MYO10: variants seen among roughly 807,000 people sequenced by gnomAD.
MYO10 encodes the protein myosin X.
Under a neutral mutation model 257.3 loss-of-function variants are expected in MYO10, and 133 were observed. That is an observed-to-expected ratio of 0.52 (90% CI 0.45 to 0.60). The LOEUF (loss-of-function observed/expected upper bound fraction) is 0.60, where lower values mean the gene tolerates loss of function less well. MYO10 is among the 20% of genes least tolerant of loss of function. The pLI is 0.00. For missense variants in MYO10, 2,399 were observed against 2,635.7 expected, an observed-to-expected ratio of 0.91 and a Z score of 1.97; for synonymous variants, 1,104 against 1,028.6, an observed-to-expected ratio of 1.07 and a Z score of -1.40.
Position 16,879,959 on chromosome 5 carries a change from C to G in MYO10, c.22-2252G>C, listed in dbSNP as rs534816507. Among the ~76,000 whole-genome samples, 7 of 152,284 alleles carry G rather than the reference C, an allele frequency of 4.6e-5. No individual in the cohort carries two copies. The East Asian group carries it at 1.4e-3, about 29-fold the overall frequency. ...TTCGAAGGCCGAGATGGGTAGATCA[C>G]TTGAGGTCAGGAGTTTGAGACCAGC... On this transcript the variant is annotated intron_variant, in intron 1 of 40. Transcript: ENST00000513610.
At chr5:16,750,503 G>C (rs1283568250) in intron 19 of MYO10, among the ~76,000 whole-genome samples, 6 of 152,128 alleles carry the variant, frequency 3.9e-5, no homozygotes, top group Admixed American at 2.0e-4. Context: ...CACTTGGCAA[G>C]GAGGAGAGGC....
Position 16,763,527 on chromosome 5 carries a change from T to A in MYO10, c.1448A>T (p.Asp483Val), listed in dbSNP as rs748843212. Residue 483 changes from aspartate to valine, a missense_variant, in exon 14 of 41, where the codon GAT becomes GTT. Coordinates refer to ENST00000513610, the MANE Select transcript of MYO10 (RefSeq NM_012334.3). Reference protein sequence around the residue: ...EYSREGLVWEDIDWIDNGECL... With the variant: ...EYSREGLVWEVIDWIDNGECL... ...TTCTCCATTGTCTATCCAGTCAATA[T>A]CTTCCCACACTAATCCTTCCCTGTA... is the stretch of plus-strand genomic sequence containing the variant. 2 of 1,612,310 alleles carry A rather than the reference T, an allele frequency of 1.2e-6. No individual in the cohort carries two copies. Among genetic ancestry groups the A allele is most frequent in the South Asian group, 2.2e-5 (2 of 91,046 alleles).
In MYO10 at chr5:16,686,539, AT is replaced by A. The variant is rs774749843; in HGVS notation, c.3897-709del. On this transcript the variant is annotated intron_variant, in intron 28 of 40. Transcript: ENST00000513610. ...ATATTGGAATGGCCACTAGATGTCT[AT>A]TTTTTTTTTTTATGAGATGGAATGT... 3.6e-3 allele frequency among the ~76,000 whole-genome samples: 525 copies of A among 145,390 alleles called. 2 individuals are homozygous for A. Among genetic ancestry groups the A allele is most frequent in the Non-Finnish European group, 5.2e-3 (341 of 65,764 alleles).
intron 19 of MYO10, among the ~76,000 whole-genome samples, chr5:16,737,704 C>T (rs1407438716): frequency 5.3e-5 from 8 of 152,230 alleles, no homozygotes; most frequent in African/African-American, 1.9e-4. Flanking sequence ...TGGTTTTGCC[C>T]CCTGGGGGGC....
intron 26 of MYO10, among the ~76,000 whole-genome samples, chr5:16,698,984 C>T (rs1268738264): frequency 6.6e-6 from 1 of 152,038 alleles, no homozygotes; most frequent in Non-Finnish European, 1.5e-5. Context: ...CAGCAACACA[C>T]ACATTGGTTT....
chr5:16,880,575 A>G (rs946514572), intron 1 of MYO10, among the ~76,000 whole-genome samples: 3 of 152,218 alleles, frequency 2.0e-5, no homozygotes, highest in African/African-American at 7.2e-5. Context: ...CTCTGCTATA[A>G]AGATGGAAAA....
At chr5:16,841,804 A>T (rs1360145507) in intron 2 of MYO10, among the ~76,000 whole-genome samples, 3 of 152,188 alleles carry the variant, frequency 2.0e-5, no homozygotes, top group African/African-American at 7.2e-5. Flanking sequence ...AGTGCGTCTA[A>T]TAATAAAGCT....
chr5:16,799,477 G>A (rs1742056681), intron 3 of MYO10, among the ~76,000 whole-genome samples: 1 of 149,538 alleles, frequency 6.7e-6, no homozygotes, highest in Non-Finnish European at 1.5e-5. Context: ...AGAATCAGCA[G>A]TGCTTTAGAA....
At chr5:16,736,414 A>G (rs1739805595) in intron 19 of MYO10, among the ~76,000 whole-genome samples, 1 of 152,162 alleles carries the variant, frequency 6.6e-6, no homozygotes, top group Non-Finnish European at 1.5e-5. Context: ...GCTGCAAACA[A>G]TGGCTGCTCT....
chr5:16,889,478 A>AAGGAAG (rs1744984989), intron 1 of MYO10, among the ~76,000 whole-genome samples: 2 of 131,884 alleles, frequency 1.5e-5, no homozygotes. Context: ...AAGAAAAGAA[A>AAGGAAG]GAAGGAAGGA....
intron 1 of MYO10, among the ~76,000 whole-genome samples, chr5:16,889,046 G>T (rs1744969706): frequency 6.6e-6 from 1 of 151,974 alleles, no homozygotes; most frequent in Non-Finnish European, 1.5e-5. Context: ...GGTGGCACAT[G>T]CCTGTAGTCC....
intron 3 of MYO10, among the ~76,000 whole-genome samples, chr5:16,799,952 A>G (rs1403363973): frequency 1.3e-5 from 2 of 152,156 alleles, no homozygotes; most frequent in Non-Finnish European, 2.9e-5. Context: ...TACTGCCACC[A>G]ATCAATTCTG....
intron 2 of MYO10, among the ~76,000 whole-genome samples, chr5:16,869,506 T>TCA (rs1744388292): frequency 6.6e-6 from 1 of 151,666 alleles, no homozygotes; most frequent in Non-Finnish European, 1.5e-5. Context: ...AGCCCAGGAG[T>TCA]TACAATGAGC....
chr5:16,696,381 T>G (rs139531393), intron 26 of MYO10, among the ~76,000 whole-genome samples: 117 of 152,366 alleles, frequency 7.7e-4, no homozygotes, highest in African/African-American at 2.6e-3. Context: ...TTCGTTGCTC[T>G]GAAACTTTTT....
chr5:16,758,269 C>G, intron 17 of MYO10, 43 bp from the exon 18 acceptor site: 2 of 1,306,214 alleles, frequency 1.5e-6, no homozygotes, highest in Non-Finnish European at 2.2e-6. Context: ...CACACACACC[C>G]ATTATTAGGT....
chr5:16,802,939 C>CAA (rs34168458), intron 3 of MYO10, among the ~76,000 whole-genome samples: 2,329 of 137,842 alleles, frequency 0.017, 52 homozygotes, highest in African/African-American at 0.059. Flanking sequence ...TCCTCTCTCT[C>CAA]AAAAAAAAAA....
chr5:16,854,901 C>T (rs766663882), intron 2 of MYO10, among the ~76,000 whole-genome samples: 2 of 151,916 alleles, frequency 1.3e-5, no homozygotes, highest in African/African-American at 2.4e-5. Flanking sequence ...GCGTGCGTGG[C>T]GGGCACCTGT....
intron 2 of MYO10, among the ~76,000 whole-genome samples, chr5:16,829,163 A>G (rs1743091464): frequency 6.6e-6 from 1 of 152,148 alleles, no homozygotes; most frequent in Admixed American, 6.5e-5. Flanking sequence ...CACAGATGCA[A>G]GGGTGATGTG....
intron 2 of MYO10, among the ~76,000 whole-genome samples, chr5:16,849,891 T>C (rs1449165006): frequency 6.6e-6 from 1 of 152,190 alleles, no homozygotes; most frequent in Non-Finnish European, 1.5e-5. Context: ...ATACATCTGC[T>C]TTGACCCAAA....
Sources: allele counts gnomAD v4.1 joint callset (sites outside exome capture counted in the v4.1 genomes callset), GRCh38; gene constraint gnomAD v4.1.1; transcripts MANE v1.5; gene names NCBI Gene and HGNC (gene_info 2026-07-23, HGNC 2026-07-21).